EPB41: variants seen among roughly 807,000 people sequenced by gnomAD.
EPB41 encodes protein 4.1.
In EPB41, 65 loss-of-function variants were observed where a neutral mutation model predicts 108.0. The observed-to-expected ratio is 0.60, with a 90% CI of 0.49 to 0.74. The LOEUF is 0.74. EPB41 is among the 30% of genes least tolerant of loss of function. The pLI, the probability that EPB41 is intolerant of heterozygous loss-of-function variation, is 0.00. For missense variants in EPB41, 875 were observed against 1,037.0 expected, an observed-to-expected ratio of 0.84 and a Z score of 2.15; for synonymous variants, 336 against 358.9, an observed-to-expected ratio of 0.94 and a Z score of 0.72.
chr1:29,072,354 A>G (rs1481864996), intron 16 of EPB41: 2 of 152,328 alleles, frequency 1.3e-5, no homozygotes, highest in African/African-American at 2.4e-5. Flanking sequence ...AAATTGGACT[A>G]TAGAATTGGT....
intron 19 of EPB41, among the ~76,000 whole-genome samples, chr1:29,114,636 TA>T (rs62666661): frequency 0.56 from 43,216 of 77,796 alleles, 11,241 homozygotes; most frequent in Non-Finnish European, 0.64. Context: ...AGACTCCGTC[TA>T]AAAAAAAAAA....
chr1:29,067,697 G>A (rs1382714622), intron 16 of EPB41, among the ~76,000 whole-genome samples: 2 of 151,584 alleles, frequency 1.3e-5, no homozygotes, highest in Non-Finnish European at 2.9e-5. Context: ...GTTCACAAAG[G>A]GTACTTTTTG....
intron 7 of EPB41, 48 bp from the exon 8 acceptor site, chr1:29,030,349 AATG>A (rs1198050082): frequency 7.3e-7 from 1 of 1,361,306 alleles, no homozygotes; most frequent in South Asian, 1.2e-5. Context: ...TGTTACTGTA[AATG>A]ATGACACTAT....
At chr1:29,081,052 T>C (rs1656394947) in intron 16 of EPB41, among the ~76,000 whole-genome samples, 1 of 152,202 alleles carries the variant, frequency 6.6e-6, no homozygotes, top group Non-Finnish European at 1.5e-5. Context: ...AGCTAGTCTT[T>C]CTCTTGTTTT....
intron 16 of EPB41, chr1:29,073,010 C>G (rs1188871420): frequency 2.0e-5 from 3 of 149,262 alleles, no homozygotes; most frequent in Non-Finnish European, 4.4e-5. Flanking sequence ...ACTTGGGAGG[C>G]TGAGGCAGGA....
intron 16 of EPB41, among the ~76,000 whole-genome samples, chr1:29,095,013 A>G (rs924022904): frequency 2.6e-5 from 4 of 152,246 alleles, no homozygotes; most frequent in Admixed American, 1.3e-4. Flanking sequence ...TTGTTATACT[A>G]TATTCTTTAG....
chr1:29,071,439 T>A (rs1651373045), intron 16 of EPB41: 1 of 152,228 alleles, frequency 6.6e-6, no homozygotes, highest in Non-Finnish European at 1.5e-5. Flanking sequence ...CTTCTCTGAA[T>A]TAAGATACTG....
At chr1:29,009,143 CTTTT>C (rs11330641) in intron 4 of EPB41, among the ~76,000 whole-genome samples, 2 of 140,570 alleles carry the variant, frequency 1.4e-5, no homozygotes. Context: ...TTTAATCCTT[CTTTT>C]TTTTTTTTTT....
At chr1:29,095,070 A>G (rs112576541) in intron 16 of EPB41, among the ~76,000 whole-genome samples, 73 of 152,188 alleles carry the variant, frequency 4.8e-4, no homozygotes, top group African/African-American at 1.6e-3. Context: ...CATAGATGCA[A>G]TTTTTTTTCC....
At chr1:29,003,765 A>G (rs991506507) in intron 4 of EPB41, among the ~76,000 whole-genome samples, 2 of 152,158 alleles carry the variant, frequency 1.3e-5, no homozygotes, top group African/African-American at 4.8e-5. Context: ...GTCTGGCAAG[A>G]CAAGTGGAAA....
At chr1:28,979,857 G>A (rs1297688235) in intron 1 of EPB41, among the ~76,000 whole-genome samples, 1 of 152,126 alleles carries the variant, frequency 6.6e-6, no homozygotes, top group East Asian at 1.9e-4. Context: ...GGCAGACTTG[G>A]CAGAAGAAAA....
chr1:29,011,990 G>A, intron 5 of EPB41, 83 bp downstream of exon 5: 7 of 1,481,556 alleles, frequency 4.7e-6, no homozygotes, highest in Non-Finnish European at 6.6e-6. Flanking sequence ...CTGTGAGTCA[G>A]TCACTTTAGA....
At chr1:29,060,318 T>C in intron 14 of EPB41, 104 bp from the exon 15 acceptor site, 2 of 984,948 alleles carry the variant, frequency 2.0e-6, no homozygotes, top group Non-Finnish European at 3.2e-6. Flanking sequence ...CTGTGGACAT[T>C]TATTTTTAAA....
At chr1:29,006,652 C>T (rs1168003662) in intron 4 of EPB41, among the ~76,000 whole-genome samples, 2 of 152,036 alleles carry the variant, frequency 1.3e-5, no homozygotes, top group African/African-American at 2.4e-5. Flanking sequence ...ACCTCCAACC[C>T]CTTATCAGTT....
chr1:28,941,346 C>G (rs1414683374), intron 1 of EPB41, among the ~76,000 whole-genome samples: 6 of 152,100 alleles, frequency 3.9e-5, no homozygotes, highest in Non-Finnish European at 5.9e-5. Context: ...CACCACTGCT[C>G]TCCAGCCTGG....
chr1:29,042,251 G>A (rs564174572), intron 11 of EPB41, among the ~76,000 whole-genome samples: 1 of 152,246 alleles, frequency 6.6e-6, no homozygotes, highest in Admixed American at 6.5e-5. Context: ...AATGAGCTAG[G>A]TGCAAGAGAT....
chr1:29,032,450 G>C (rs1435146619), intron 8 of EPB41, among the ~76,000 whole-genome samples: 1 of 152,134 alleles, frequency 6.6e-6, no homozygotes, highest in East Asian at 1.9e-4. Context: ...CTGCTTCTCT[G>C]TTATAACACG....
chr1:28,947,339 C>A (rs2094520271), intron 1 of EPB41, among the ~76,000 whole-genome samples: 1 of 151,620 alleles, frequency 6.6e-6, no homozygotes, highest in Non-Finnish European at 1.5e-5. Flanking sequence ...TCTCGGGAGG[C>A]GGATGTTGCA....
At chr1:28,890,005 ATTTTATTTTTATTTTTAT>A (rs145496390) in intron 1 of EPB41, 1 of 151,566 alleles carries the variant, frequency 6.6e-6, no homozygotes, top group African/African-American at 2.5e-5. Context: ...CTGATATTTT[ATTTTATTTTTATTTTTAT>A]TTTTATTTTA....
Sources: gnomAD v4.1 joint callset for allele counts (sites outside exome capture counted in the v4.1 genomes callset) on GRCh38, gnomAD v4.1.1 for gene constraint, MANE v1.5 for transcripts, NCBI Gene and HGNC (gene_info 2026-07-23, HGNC 2026-07-21) for gene names.